Variants in ADAMTS10 observed in about 807,000 individuals in gnomAD.
ADAMTS10 encodes the protein A disintegrin and metalloproteinase with thrombospondin motifs 10.
In ADAMTS10, 48 loss-of-function variants were observed where a neutral mutation model predicts 135.9. The ratio of observed to expected loss-of-function variants is 0.35; its 90% CI spans 0.28 to 0.45. The LOEUF is 0.45. Among genes scored for constraint, ADAMTS10 ranks in the 20% least tolerant of loss-of-function variants. The pLI, the probability that ADAMTS10 is intolerant of heterozygous loss-of-function variation, is 1.00. For synonymous variants in ADAMTS10, 621 were observed against 647.5 expected, an observed-to-expected ratio of 0.96 and a Z score of 0.62; for missense variants, 1,131 against 1,565.2, an observed-to-expected ratio of 0.72 and a Z score of 4.68.
Position 8,601,236 on chromosome 19 carries a change from C to T in ADAMTS10, c.593-91G>A. 1.5e-6 allele frequency: 2 copies of T among 1,370,902 alleles called. No homozygotes were observed. Among genetic ancestry groups the T allele is most frequent in the Non-Finnish European group, 2.0e-6 (2 of 991,764 alleles). The allele number at this position is 1,370,902 out of a possible 1,614,324, so 84.9% of individuals were successfully genotyped here. A position where few individuals can be genotyped will look rare whatever the true frequency, so the allele number is the denominator to read the frequency against. On this transcript the variant is annotated intron_variant, in intron 5 of 25. Coordinates refer to ENST00000597188, the MANE Select transcript of ADAMTS10 (RefSeq NM_030957.4). The surrounding 1 kb of genome is among the most constrained non-coding windows in gnomAD (Gnocchi z 4.6). ...GTCTTGTCCAACCTCTGACTGGCTA[C>T]CTCTCTACCCAACAGTCTGGACAGA...
Position 8,580,809 on chromosome 19 carries a change from C to T in ADAMTS10, c.*84G>A. On this transcript the variant is annotated 3_prime_UTR_variant, in exon 26 of 26. Coordinates refer to ENST00000597188, the MANE Select transcript of ADAMTS10 (RefSeq NM_030957.4). ...CTCACCCTTCCCTCCCAGTTCCCGC[C>T]CCCCCGGGGCCCCCTCTGGCCGGCC... The T allele has an allele frequency of 1.8e-6, 2 of 1,121,916 alleles. No individual in the cohort carries two copies. The highest frequency in any genetic ancestry group is 2.7e-5 in the South Asian group (2 of 74,262). 69.5% of individuals were successfully genotyped at this position (1,121,916 alleles called of 1,614,324 possible).
At chr19:8,594,504 A>G (rs1555739775) in intron 12 of ADAMTS10, among the ~76,000 whole-genome samples, 1 of 152,228 alleles carries the variant, frequency 6.6e-6, no homozygotes, top group Non-Finnish European at 1.5e-5. Flanking sequence ...GGAAGGCTCA[A>G]TTCAACATAT....
chr19:8,583,154 A>G lies in ADAMTS10; in HGVS notation c.3202+1741T>C, dbSNP rs536237795. ...GTGAATATATCATTTACATCCCGTGACAGATAAAGAAACAAAAACACAGAG... is the reference window on the plus strand; with the variant it reads ...GTGAATATATCATTTACATCCCGTGGCAGATAAAGAAACAAAAACACAGAG... On this transcript the variant is annotated intron_variant, in intron 25 of 25. Coordinates refer to ENST00000597188, the MANE Select transcript of ADAMTS10 (RefSeq NM_030957.4). 2.9e-4 allele frequency among the ~76,000 whole-genome samples: 44 copies of G among 152,306 alleles called. 1 individual carries two copies. The South Asian group carries it at 8.7e-3, about 30-fold the overall frequency.
At position 8,586,119 on chromosome 19, in the gene ADAMTS10, C is replaced by T; in HGVS notation, c.2660+3G>A. The T allele has an allele frequency of 6.2e-7, 1 of 1,613,000 alleles. No individual in the cohort carries two copies. The highest frequency in any genetic ancestry group is 8.5e-7 in the Non-Finnish European group (1 of 1,179,988). On this transcript the variant is annotated splice_donor_region_variant and intron_variant, in intron 22 of 25. Transcript: ENST00000597188. The stretch of plus-strand genomic sequence containing the variant: ...AGCAACACTGCCCCCTGGCGGCACT[C>T]ACTCTGGAGGGCAAGGCTCCGTGTT...
Position 8,589,892 on chromosome 19 carries a change from C to A in ADAMTS10, c.1897G>T (p.Gly633Ter). The A allele has an allele frequency of 1.2e-6, 2 of 1,613,754 alleles. No homozygotes were observed. The highest frequency in any genetic ancestry group is 1.7e-6 in the Non-Finnish European group (2 of 1,179,686). ...GKFYKWKTYR[G>*]GGVKACSLTC... The stretch of plus-strand genomic sequence containing the variant: ...GCCTTTGGAGTCCCACACTCACCTC[C>A]CCGGTACGTTTTCCACTTGTAGAAT... Residue 633 changes from glycine to a stop codon, truncating the protein, a stop_gained, in exon 16 of 26, where the codon GGA (glycine) becomes TGA (stop). Transcript: ENST00000597188. LOFTEE classifies it high-confidence loss of function.
intron 1 of ADAMTS10, among the ~76,000 whole-genome samples, chr19:8,609,750 G>A (rs1555743174): frequency 6.6e-6 from 1 of 152,050 alleles, no homozygotes; most frequent in Non-Finnish European, 1.5e-5. Context: ...AGGGGAAGTG[G>A]GCGGCGCCAC....
intron 4 of ADAMTS10, 172 bp downstream of exon 4, chr19:8,604,840 T>C: frequency 1.4e-6 from 1 of 731,742 alleles, no homozygotes; most frequent in Non-Finnish European, 2.3e-6. Context: ...TACCTAAGGC[T>C]ATACATTTTC....
Position 8,589,873 on chromosome 19 carries a change from G to A in ADAMTS10, c.1900+16C>T, listed in dbSNP as rs782216536. ...TGCCCTTCACGGCCCCACAGCCTTTGGAGTCCCACACTCACCTCCCCGGTA... is the reference window on the plus strand; with the variant it reads ...TGCCCTTCACGGCCCCACAGCCTTTAGAGTCCCACACTCACCTCCCCGGTA... On this transcript the variant is annotated intron_variant, in intron 16 of 25. Transcript: ENST00000597188. 1 of 1,608,530 alleles carries A rather than the reference G, an allele frequency of 6.2e-7. No individual in the cohort carries two copies. The highest frequency in any genetic ancestry group is 1.1e-5 in the South Asian group (1 of 90,910).
rs375248088 is a variant in ADAMTS10, at chr19:8,597,279, G to T, written c.849C>A (p.Thr283=). 1 of 1,614,098 alleles carries T rather than the reference G, an allele frequency of 6.2e-7. No individual in the cohort carries two copies. The highest frequency in any genetic ancestry group is 8.5e-7 in the Non-Finnish European group (1 of 1,180,028). The change falls in exon 7 of 26, where the codon ACC becomes ACA. Residue 283 remains threonine, a synonymous_variant. Coordinates refer to ENST00000597188, the MANE Select transcript of ADAMTS10 (RefSeq NM_030957.4). ...TGAGGCGAGTTACGAGGATGTTAAC[G>T]GTGCTTCCCAGACTCGAGTCCTGGA... ...KLFQDSSLGS[T]VNILVTRLIL...
In ADAMTS10 at chr19:8,591,882, T is replaced by C. The variant is rs782159832; in HGVS notation, c.1734-19A>G. 4.8e-5 allele frequency: 77 copies of C among 1,612,862 alleles called. No homozygotes were observed. The South Asian group carries it at 6.0e-4, about 13-fold the overall frequency. On this transcript the variant is annotated intron_variant, in intron 14 of 25. Coordinates refer to ENST00000597188, the MANE Select transcript of ADAMTS10 (RefSeq NM_030957.4). The stretch of plus-strand genomic sequence containing the variant: ...GGTTGGCCTGGAAAGGGTGGTGGGA[T>C]AGGAGAGGGATGAGGCAGTGGGCGA...
chr19:8,592,407 C>T (rs1356145099), intron 13 of ADAMTS10, among the ~76,000 whole-genome samples: 1 of 151,864 alleles, frequency 6.6e-6, no homozygotes, highest in African/African-American at 2.4e-5. Context: ...GGTCTACAGG[C>T]AGTAGGCGTG....
At position 8,580,517 on chromosome 19, in the gene ADAMTS10, C is replaced by T. The variant is rs533161626; in HGVS notation, c.*376G>A. The T allele has an allele frequency of 1.4e-4, 28 of 203,250 alleles. No homozygotes were observed. Among genetic ancestry groups the T allele is most frequent in the African/African-American group, 6.2e-4 (26 of 42,188 alleles). The allele number at this position is 203,250 out of a possible 1,614,324, so 12.6% of individuals were successfully genotyped here. A position where few individuals can be genotyped will look rare whatever the true frequency, so the allele number is the denominator to read the frequency against. On this transcript the variant is annotated 3_prime_UTR_variant, in exon 26 of 26. Coordinates refer to ENST00000597188, the MANE Select transcript of ADAMTS10 (RefSeq NM_030957.4). ...AGGGCAGTGCTGGGGGGCAGGGCAC[C>T]GGCAGACCACCTCCCCACCCCTACT...
chr19:8,589,194 T>G, intron 18 of ADAMTS10, 48 bp downstream of exon 18: 1 of 1,610,102 alleles, frequency 6.2e-7, no homozygotes, highest in Non-Finnish European at 8.5e-7. Flanking sequence ...CCACCTGCAG[T>G]CAGCTGGCCC....
rs547039905 is a variant in ADAMTS10 at position 8,584,919 on chromosome 19, G to A, written c.3178C>T (p.Pro1060Ser). ...CCTTCAGGGCCGTCCCCGGGGGTTG[G>A]GCTGTCGCACTTGGCCTCACACTGC... is the stretch of plus-strand genomic sequence containing the variant. ...TQQCEAKCDS[P>S]TPGDGPEECK... The change falls in exon 25 of 26, where the codon CCA becomes TCA. Residue 1060 changes from proline to serine, a missense_variant. This residue lies in a region of ADAMTS10 where 745 missense variants were observed against 1,056.3 expected (regional missense o/e 0.71). Transcript: ENST00000597188. 2.6e-6 allele frequency: 4 copies of A among 1,548,984 alleles called. No individual in the cohort carries two copies. The South Asian group carries it at 3.6e-5, about 14-fold the overall frequency.
At chr19:8,602,063 G>A (rs1555741678) in intron 5 of ADAMTS10, among the ~76,000 whole-genome samples, 2 of 152,162 alleles carry the variant, frequency 1.3e-5, no homozygotes, top group Non-Finnish European at 1.5e-5. Flanking sequence ...TTCTAGCTGA[G>A]CAACTTTCCA....
chr19:8,601,430 T>G lies in ADAMTS10; in HGVS notation c.593-285A>C, dbSNP rs1157731168. Among the ~76,000 whole-genome samples, 4 of 151,628 alleles carry G rather than the reference T, an allele frequency of 2.6e-5. No homozygotes were observed. The highest frequency in any genetic ancestry group is 9.7e-5 in the African/African-American group (4 of 41,252). On this transcript the variant is annotated intron_variant, in intron 5 of 25. Transcript: ENST00000597188. The surrounding 1 kb of genome is among the most constrained non-coding windows in gnomAD (Gnocchi z 4.6). ...AGGCTGGACTGCAGTGGTGCGATCT[T>G]GGCTCACTGAAACCTCTGCCTCCCA...
rs782638735 is a variant in ADAMTS10 at position 8,586,459 on chromosome 19, C to T, written c.2415G>A (p.Arg805=). Residue 805 remains arginine (R), a synonymous_variant, in exon 21 of 26, where the codon CGG becomes CGA. Transcript: ENST00000597188. ...GGTAGCGGAGGGCAGGCAGCTCGGT[C>T]CGGGCCAGCACCTGGAGAAAGGGGG... ...NASLIVMVLA[R]TELPALRYRF... is the part of the protein sequence containing the mutation. The T allele has an allele frequency of 1.2e-4, 194 of 1,613,634 alleles. No individual in the cohort carries two copies. Among genetic ancestry groups the T allele is most frequent in the Non-Finnish European group, 1.6e-4 (183 of 1,180,008 alleles).
At chr19:8,595,654 G>A in intron 12 of ADAMTS10, 108 bp downstream of exon 12, 1 of 1,555,432 alleles carries the variant, frequency 6.4e-7, no homozygotes, top group Non-Finnish European at 8.7e-7. Context: ...CCCCTTCCCG[G>A]TTCTCCCACC....
At chr19:8,600,882 C>T (rs375334188) in intron 6 of ADAMTS10, 46 bp downstream of exon 6, 26 of 1,610,456 alleles carry the variant, frequency 1.6e-5, no homozygotes, top group Non-Finnish European at 2.1e-5. Flanking sequence ...TGCAGGCTGG[C>T]TCCAAGTCCT....
Sources: allele counts gnomAD v4.1 joint callset (sites outside exome capture counted in the v4.1 genomes callset), GRCh38; gene constraint gnomAD v4.1.1; regional missense constraint gnomAD v4.1.1; non-coding constraint Gnocchi (gnomAD v3.1); transcripts MANE v1.5; gene names NCBI Gene and HGNC (gene_info 2026-07-23, HGNC 2026-07-21).